The following LYPLAL1 variants were observed in gnomAD, a reference collection of about 807,000 sequenced individuals.
LYPLAL1 encodes the protein lysophospholipase like 1.
A neutral mutation model predicts 19.7 loss-of-function variants in LYPLAL1; 23 were observed. The ratio of observed to expected loss-of-function variants is 1.17; its 90% CI spans 0.84 to 1.65. The LOEUF (loss-of-function observed/expected upper bound fraction) is 1.65. Among genes scored for constraint, LYPLAL1 ranks in the 40% most tolerant of loss-of-function variants. LYPLAL1 has a pLI of 0.00. For missense variants in LYPLAL1, 355 were observed against 279.4 expected (o/e 1.27, Z -1.93); for synonymous variants, 119 against 96.3 (o/e 1.24, Z -1.38).
the LYPLAL1 span, among the ~76,000 whole-genome samples, chr1:219,387,289 A>C: frequency 6.6e-6 from 1 of 152,222 alleles, no homozygotes; most frequent in East Asian, 1.9e-4. Context: ...TGTTAAAATA[A>C]AATGTAGGTA....
At chr1:219,214,918 G>A (rs1659233235), downstream of LYPLAL1, among the ~76,000 whole-genome samples, 1 of 151,946 alleles carries the variant, frequency 6.6e-6, no homozygotes, top group South Asian at 2.1e-4. Context: ...TCAAACTCCT[G>A]ACCTCAAGTG....
At chr1:219,394,430 A>G in the LYPLAL1 span, among the ~76,000 whole-genome samples, 1 of 152,166 alleles carries the variant, frequency 6.6e-6, no homozygotes, top group South Asian at 2.1e-4. Flanking sequence ...TCATCCACTC[A>G]CAAAATTCTT....
the LYPLAL1 span, among the ~76,000 whole-genome samples, chr1:219,364,206 G>T: frequency 6.6e-6 from 1 of 152,074 alleles, no homozygotes; most frequent in Non-Finnish European, 1.5e-5. Flanking sequence ...ATTGAACAAC[G>T]CAATAACCCA....
chr1:219,387,518 C>T, the LYPLAL1 span, among the ~76,000 whole-genome samples: 1 of 152,180 alleles, frequency 6.6e-6, no homozygotes, highest in Non-Finnish European at 1.5e-5. Context: ...AAGCCAGTTC[C>T]CCTTAAGATG....
At chr1:219,385,774 C>T in the LYPLAL1 span, among the ~76,000 whole-genome samples, 1 of 152,080 alleles carries the variant, frequency 6.6e-6, no homozygotes, top group Non-Finnish European at 1.5e-5. Context: ...CTGTAATTTG[C>T]TAACAAAGAA....
At chr1:219,182,387 G>T (rs1022421234) in intron 2 of LYPLAL1, among the ~76,000 whole-genome samples, 1 of 152,028 alleles carries the variant, frequency 6.6e-6, no homozygotes, top group African/African-American at 2.4e-5. Flanking sequence ...TGCTTTTGTA[G>T]CATAATATGG....
chr1:219,187,399 C>CT (rs530034561), intron 2 of LYPLAL1, among the ~76,000 whole-genome samples: 17 of 147,352 alleles, frequency 1.2e-4, no homozygotes, highest in East Asian at 7.9e-4. Flanking sequence ...GAAAATACTG[C>CT]TTTTTTTTTT....
the LYPLAL1 span, among the ~76,000 whole-genome samples, chr1:219,302,156 G>T: frequency 1.3e-5 from 2 of 152,076 alleles, no homozygotes; most frequent in Admixed American, 1.3e-4. Flanking sequence ...CTTAAATGTA[G>T]GTCCATCTAT....
chr1:219,260,763 G>C, the LYPLAL1 span, among the ~76,000 whole-genome samples: 39,889 of 150,938 alleles, frequency 0.26, 5,443 homozygotes, highest in Non-Finnish European at 0.31. Context: ...ATCTCAAATA[G>C]AAAATGCCTT....
the LYPLAL1 span, among the ~76,000 whole-genome samples, chr1:219,445,408 TGGG>T: frequency 9.0e-5 from 5 of 55,706 alleles, no homozygotes; most frequent in East Asian, 6.7e-4. Context: ...TTATTCAAAT[TGGG>T]GGGGGGGCGG....
the LYPLAL1 span, among the ~76,000 whole-genome samples, chr1:219,433,278 A>C: frequency 6.6e-6 from 1 of 152,134 alleles, no homozygotes; most frequent in Non-Finnish European, 1.5e-5. Flanking sequence ...CCAGATGCAA[A>C]ATATCACTCA....
At chr1:219,330,539 G>A in the LYPLAL1 span, among the ~76,000 whole-genome samples, 1 of 152,140 alleles carries the variant, frequency 6.6e-6, no homozygotes, top group African/African-American at 2.4e-5. Flanking sequence ...TTCTTATTTT[G>A]TCTTCCATGT....
At chr1:219,229,293 T>TAGAGAGAGAGAGAGAG in the LYPLAL1 span, among the ~76,000 whole-genome samples, 1 of 84,074 alleles carries the variant, frequency 1.2e-5, no homozygotes, top group African/African-American at 5.4e-5. Context: ...GACAAGCATT[T>TAGAGAGAGAGAGAGAG]TGAGAGAGAG....
the LYPLAL1 span, among the ~76,000 whole-genome samples, chr1:219,369,377 T>G: frequency 6.6e-6 from 1 of 152,258 alleles, no homozygotes; most frequent in Non-Finnish European, 1.5e-5. Context: ...GTTCAAGCAA[T>G]TCTCCTGCCT....
At chr1:219,182,501 A>G (rs928893441) in intron 2 of LYPLAL1, among the ~76,000 whole-genome samples, 2 of 152,016 alleles carry the variant, frequency 1.3e-5, no homozygotes, top group South Asian at 4.1e-4. Flanking sequence ...CTTGCTTGCT[A>G]CCTTTCCGGT....
the LYPLAL1 span, among the ~76,000 whole-genome samples, chr1:219,414,632 C>T: frequency 1.3e-5 from 2 of 152,162 alleles, no homozygotes; most frequent in Admixed American, 6.5e-5. Flanking sequence ...GACTCCTCCT[C>T]GCTTTTATTT....
At chr1:219,440,235 T>G in the LYPLAL1 span, among the ~76,000 whole-genome samples, 1 of 152,094 alleles carries the variant, frequency 6.6e-6, no homozygotes, top group Admixed American at 6.6e-5. Context: ...GCAAAAATTC[T>G]ACAGTCTTAA....
chr1:219,378,152 G>A, the LYPLAL1 span, among the ~76,000 whole-genome samples: 1 of 152,168 alleles, frequency 6.6e-6, no homozygotes, highest in Non-Finnish European at 1.5e-5. Context: ...GATGAAGTCA[G>A]GAAGGACAAG....
At chr1:219,390,641 C>G in the LYPLAL1 span, among the ~76,000 whole-genome samples, 1 of 152,176 alleles carries the variant, frequency 6.6e-6, no homozygotes, top group Non-Finnish European at 1.5e-5. Context: ...CCTGTTAGGT[C>G]TTTTTGCTCA....
Sources: allele counts gnomAD v4.1 joint callset (sites outside exome capture counted in the v4.1 genomes callset), GRCh38; gene constraint gnomAD v4.1.1; transcripts MANE v1.5; gene names NCBI Gene and HGNC (gene_info 2026-07-23, HGNC 2026-07-21).